Variants in PDGFD observed in about 807,000 individuals in gnomAD.
The protein encoded by PDGFD is platelet-derived growth factor D.
In PDGFD, 30 loss-of-function variants were observed where a neutral mutation model predicts 44.7. That is an observed-to-expected ratio of 0.67 (90% confidence interval 0.50 to 0.91). The LOEUF (loss-of-function observed/expected upper bound fraction) is 0.91. Among genes scored for constraint, PDGFD ranks in the 40% least tolerant of loss-of-function variants. The pLI is 0.00. For synonymous variants in PDGFD, 173 were observed against 168.4 expected, an observed-to-expected ratio of 1.03 and a Z score of -0.21; for missense variants, 445 against 457.8, an observed-to-expected ratio of 0.97 and a Z score of 0.25.
intron 1 of PDGFD, among the ~76,000 whole-genome samples, chr11:104,106,356 C>A (rs1861471580): frequency 6.6e-6 from 1 of 152,050 alleles, no homozygotes; most frequent in Non-Finnish European, 1.5e-5. Context: ...CAAACTAATA[C>A]CATAAGACAT....
In PDGFD at chr11:103,943,643, G is replaced by C. The variant is rs1269560569; in HGVS notation, c.581C>G (p.Ser194Cys). Residue 194 changes from serine (S) to cysteine (C), a missense_variant, in exon 5 of 7, where the codon TCC becomes TGC. Physicochemically the swap from Ser to Cys is moderately radical, Grantham distance 112. Transcript: ENST00000393158. ...ATCCGTTACTGATGGAGAGTTATAG[G>C]ATACCCCCTAAGAGTGACATACAGC... ...ESVTSSISGV[S>C]YNSPSVTDPT... is the part of the protein sequence containing the mutation. 2 of 1,611,836 alleles carry C rather than the reference G, an allele frequency of 1.2e-6. No homozygotes were observed. The highest frequency in any genetic ancestry group is 1.7e-5 in the Admixed American group (1 of 59,646).
intron 5 of PDGFD, among the ~76,000 whole-genome samples, chr11:103,934,633 C>T (rs1303208823): frequency 6.6e-6 from 1 of 152,166 alleles, no homozygotes; most frequent in Non-Finnish European, 1.5e-5. Context: ...GAAGCAAAGG[C>T]ACGTCTTACA....
intron 6 of PDGFD, among the ~76,000 whole-genome samples, chr11:103,919,250 A>T (rs990553893): frequency 6.6e-6 from 1 of 152,224 alleles, no homozygotes; most frequent in Non-Finnish European, 1.5e-5. Context: ...AAAGATATTT[A>T]ACTACAGTTA....
At chr11:103,975,268 T>C (rs1859166473) in intron 3 of PDGFD, among the ~76,000 whole-genome samples, 1 of 152,244 alleles carries the variant, frequency 6.6e-6, no homozygotes, top group African/African-American at 2.4e-5. Context: ...TTCATATGTT[T>C]GTTGGCCACA....
intron 3 of PDGFD, among the ~76,000 whole-genome samples, chr11:103,958,176 G>A (rs1858886098): frequency 6.6e-6 from 1 of 152,048 alleles, no homozygotes; most frequent in Non-Finnish European, 1.5e-5. Context: ...TTCTACAGTA[G>A]CTTTAAAAGA....
chr11:104,054,546 GATGAGATACC>G (rs1412612828), intron 1 of PDGFD, among the ~76,000 whole-genome samples: 1 of 90,678 alleles, frequency 1.1e-5, no homozygotes, highest in Non-Finnish European at 3.0e-5. Context: ...TCACATGGGT[GATGAGATACC>G]ATTTTTAGCA....
intron 1 of PDGFD, among the ~76,000 whole-genome samples, chr11:104,053,343 C>G (rs544822880): frequency 6.6e-6 from 1 of 152,182 alleles, no homozygotes; most frequent in Non-Finnish European, 1.5e-5. Flanking sequence ...TGCAAAATAA[C>G]TGAAATTTAA....
chr11:104,064,713 G>C (rs1860763300), intron 1 of PDGFD, among the ~76,000 whole-genome samples: 1 of 152,188 alleles, frequency 6.6e-6, no homozygotes, highest in Non-Finnish European at 1.5e-5. Flanking sequence ...CAATGGCTAT[G>C]TTTTGGTCAT....
chr11:104,149,615 G>T (rs1304090424), intron 1 of PDGFD, among the ~76,000 whole-genome samples: 1 of 152,050 alleles, frequency 6.6e-6, no homozygotes, highest in Non-Finnish European at 1.5e-5. Context: ...CTTCCCTCCT[G>T]CTCCATTTGT....
chr11:104,092,675 T>C (rs2134438265), intron 1 of PDGFD, among the ~76,000 whole-genome samples: 1 of 152,300 alleles, frequency 6.6e-6, no homozygotes, highest in East Asian at 1.9e-4. Context: ...GGCACATGGA[T>C]AAGTAATTAT....
At chr11:104,098,780 T>C (rs1861323183) in intron 1 of PDGFD, among the ~76,000 whole-genome samples, 1 of 152,134 alleles carries the variant, frequency 6.6e-6, no homozygotes, top group African/African-American at 2.4e-5. Context: ...TCTCCCAAAG[T>C]GTGAGTCACT....
chr11:103,937,623 T>G (rs1858512327), intron 5 of PDGFD, among the ~76,000 whole-genome samples: 1 of 152,006 alleles, frequency 6.6e-6, no homozygotes, highest in Non-Finnish European at 1.5e-5. Flanking sequence ...TACATATGTA[T>G]ACATGTGCCA....
chr11:103,972,217 C>T (rs888453448), intron 3 of PDGFD, among the ~76,000 whole-genome samples: 2 of 152,158 alleles, frequency 1.3e-5, no homozygotes, highest in Non-Finnish European at 2.9e-5. Flanking sequence ...GGATGGGTGG[C>T]CTGTGTATTG....
At chr11:103,985,679 A>G (rs1226590082) in intron 3 of PDGFD, among the ~76,000 whole-genome samples, 1 of 149,228 alleles carries the variant, frequency 6.7e-6, no homozygotes, top group Non-Finnish European at 1.5e-5. Flanking sequence ...GTGTAAGGAA[A>G]AGGGAGAATT....
intron 1 of PDGFD, among the ~76,000 whole-genome samples, chr11:104,034,711 C>T (rs147327972): frequency 0.011 from 1,598 of 151,434 alleles, 35 homozygotes; most frequent in African/African-American, 0.036. Context: ...GGCGCAATCT[C>T]GGCTTACTGC....
chr11:104,022,739 TATA>T (rs34054770), intron 1 of PDGFD, among the ~76,000 whole-genome samples: 44,217 of 151,556 alleles, frequency 0.29, 7,925 homozygotes, highest in Admixed American at 0.48. Context: ...ACTATAAACA[TATA>T]ATGTGTGTGT....
At chr11:103,982,007 G>C (rs1347263335) in intron 3 of PDGFD, among the ~76,000 whole-genome samples, 1 of 151,688 alleles carries the variant, frequency 6.6e-6, no homozygotes, top group Non-Finnish European at 1.5e-5. Flanking sequence ...CAGAATACCT[G>C]GTTATATGCT....
chr11:104,067,023 T>C (rs1477072248), intron 1 of PDGFD, among the ~76,000 whole-genome samples: 2 of 152,208 alleles, frequency 1.3e-5, no homozygotes, highest in African/African-American at 2.4e-5. Context: ...CTGACTGTTA[T>C]ACGAAGATGA....
intron 3 of PDGFD, among the ~76,000 whole-genome samples, chr11:103,978,736 T>C (rs1565300955): frequency 6.6e-6 from 1 of 152,126 alleles, no homozygotes; most frequent in South Asian, 2.1e-4. Flanking sequence ...TTAATTCTTT[T>C]AGAAAGATAT....
Sources: gnomAD v4.1 joint callset for allele counts (sites outside exome capture counted in the v4.1 genomes callset) on GRCh38, gnomAD v4.1.1 for gene constraint, MANE v1.5 for transcripts, NCBI Gene and HGNC (gene_info 2026-07-23, HGNC 2026-07-21) for gene names.